The following ZSWIM7 variants were observed in gnomAD, a reference collection of about 807,000 sequenced individuals.
The protein encoded by ZSWIM7 is zinc finger SWIM-type containing 7, also known as zinc finger SWIM domain-containing protein 7.
Under a neutral mutation model 21.1 loss-of-function variants are expected in ZSWIM7, and 22 were observed. The observed-to-expected ratio is 1.04, with a 90% CI of 0.74 to 1.49. The LOEUF is 1.49. Among genes scored for constraint, ZSWIM7 ranks in the 40% most tolerant of loss-of-function variants. ZSWIM7 has a pLI of 0.00. For synonymous variants in ZSWIM7, 67 were observed against 66.5 expected, an observed-to-expected ratio of 1.01 and a Z score of -0.04; for missense variants, 193 against 168.0, an observed-to-expected ratio of 1.15 and a Z score of -0.82.
intron 1 of ZSWIM7, among the ~76,000 whole-genome samples, chr17:15,994,872 G>A (rs1203260603): frequency 3.9e-5 from 6 of 152,180 alleles, no homozygotes; most frequent in African/African-American, 1.2e-4. Context: ...TTCATATTCC[G>A]TAAGCCCCTC....
intron 3 of ZSWIM7, among the ~76,000 whole-genome samples, chr17:15,983,170 C>G (rs1333209418): frequency 1.3e-5 from 2 of 151,558 alleles, no homozygotes; most frequent in Non-Finnish European, 2.9e-5. Context: ...TATGGTGAAA[C>G]CCCATCTCTA....
intron 3 of ZSWIM7, among the ~76,000 whole-genome samples, chr17:15,983,095 C>T (rs546387672): frequency 6.6e-6 from 1 of 151,892 alleles, no homozygotes; most frequent in Non-Finnish European, 1.5e-5. Flanking sequence ...GTCTGTAATC[C>T]CAGCACTTTG....
intron 2 of ZSWIM7, among the ~76,000 whole-genome samples, chr17:15,990,218 T>C (rs1446953566): frequency 1.2e-5 from 1 of 84,820 alleles, no homozygotes; most frequent in Non-Finnish European, 2.2e-5. Flanking sequence ...AAACTCTGTC[T>C]CAAAAAAAAA....
rs1483604704 is a variant in ZSWIM7, at chr17:15,977,379, A to C, written c.*668T>G. The C allele has an allele frequency of 2.6e-5, 4 of 151,986 alleles. No individual in the cohort carries two copies. The highest frequency in any genetic ancestry group is 2.6e-4 in the Admixed American group (4 of 15,250). The allele number at this position is 151,986 out of a possible 1,614,324, so 9.4% of individuals were successfully genotyped here. A position where few individuals can be genotyped will look rare whatever the true frequency, so the allele number is the denominator to read the frequency against. ...TGGCCCACCATTCCAACCTTTTAAA[A>C]ATTACTAGTAATTCAGTTAGTTACT... On this transcript the variant is annotated 3_prime_UTR_variant, in exon 5 of 5. Coordinates refer to ENST00000399277, the MANE Select transcript of ZSWIM7 (RefSeq NM_001042697.2).
chr17:15,997,513 A>G (rs975615398), intron 1 of ZSWIM7, among the ~76,000 whole-genome samples: 6 of 152,236 alleles, frequency 3.9e-5, no homozygotes, highest in African/African-American at 1.4e-4. Flanking sequence ...AAGAAAACAA[A>G]AAGTAATCAT....
At chr17:15,981,195 AC>A in intron 3 of ZSWIM7, 51 bp from the exon 4 acceptor site, 1 of 1,361,280 alleles carries the variant, frequency 7.3e-7, no homozygotes. Flanking sequence ...TGGAAAAACC[AC>A]CTCTTTCCCT....
In ZSWIM7 at chr17:15,999,551, T is replaced by C; in HGVS notation, c.44A>G (p.Glu15Gly). ...GCTCTCCTGCACCGCCGCCGCCATC[T>C]CGCTCAGGAGCTCCTCCACAACCGC... Reference protein sequence around the residue: ...LPAVVEELLSEMAAAVQESAR... With the variant: ...LPAVVEELLSGMAAAVQESAR... The change falls in exon 1 of 5, where the codon GAG becomes GGG. Residue 15 changes from glutamate (E) to glycine (G), a missense_variant. Physicochemically the swap from Glu to Gly is moderately conservative, Grantham distance 98 (BLOSUM62 -2). Transcript: ENST00000399277. 6.3e-7 allele frequency: 1 copy of C among 1,597,286 alleles called. No homozygotes were observed. The highest frequency in any genetic ancestry group is 8.5e-7 in the Non-Finnish European group (1 of 1,173,370).
At chr17:15,981,616 A>T (rs968623581) in intron 3 of ZSWIM7, among the ~76,000 whole-genome samples, 1 of 152,150 alleles carries the variant, frequency 6.6e-6, no homozygotes, top group East Asian at 1.9e-4. Flanking sequence ...CAGGAGTAAG[A>T]TAAGTCTCAG....
intron 2 of ZSWIM7, among the ~76,000 whole-genome samples, chr17:15,988,945 G>A (rs558060649): frequency 6.3e-4 from 96 of 152,258 alleles, no homozygotes; most frequent in African/African-American, 2.2e-3. Flanking sequence ...GCTTGAATCC[G>A]GGAGGTGGAG....
chr17:15,993,795 G>GAA lies in ZSWIM7; in HGVS notation c.77-19_77-18dup. On this transcript the variant is annotated splice_polypyrimidine_tract_variant and intron_variant, in intron 1 of 4. Transcript: ENST00000399277. ...CATCAGGAACTGTAAAATGAGAATG[G>GAA]AAAAAAAAAGTTAATCATATTAAGC... 4 of 1,484,962 alleles carry GAA rather than the reference G, an allele frequency of 2.7e-6. No homozygotes were observed. Among genetic ancestry groups the GAA allele is most frequent in the South Asian group, 1.2e-5 (1 of 86,074 alleles). 92.0% of individuals were successfully genotyped at this position (1,484,962 alleles called of 1,614,324 possible). A position where few individuals can be genotyped will look rare whatever the true frequency, so the allele number is the denominator to read the frequency against.
chr17:15,996,075 C>A (rs1970550246), intron 1 of ZSWIM7, among the ~76,000 whole-genome samples: 2 of 152,096 alleles, frequency 1.3e-5, no homozygotes, highest in African/African-American at 4.8e-5. Flanking sequence ...AGTGTAAGGG[C>A]AGAAAAAGAA....
At chr17:15,999,187 C>T (rs1286999939) in intron 1 of ZSWIM7, among the ~76,000 whole-genome samples, 1 of 152,192 alleles carries the variant, frequency 6.6e-6, no homozygotes, top group Admixed American at 6.5e-5. Context: ...TGTAGGCTCC[C>T]GTCCCTTCCA....
chr17:15,981,592 G>T (rs566720109), intron 3 of ZSWIM7, among the ~76,000 whole-genome samples: 2 of 152,174 alleles, frequency 1.3e-5, no homozygotes, highest in African/African-American at 4.8e-5. Context: ...ACAGGCAAAG[G>T]GTCAGTAGCA....
At chr17:15,985,124 T>G (rs1005809815) in intron 3 of ZSWIM7, among the ~76,000 whole-genome samples, 2 of 151,994 alleles carry the variant, frequency 1.3e-5, no homozygotes, top group African/African-American at 2.4e-5. Flanking sequence ...GACAACATGG[T>G]GAAACCCCAT....
intron 2 of ZSWIM7, chr17:15,990,921 T>C (rs1446938208): frequency 6.6e-6 from 1 of 152,106 alleles, no homozygotes; most frequent in Non-Finnish European, 1.5e-5. Context: ...TCCCAGCACC[T>C]TGGGAGGCCA....
chr17:15,978,322 G>C (rs1302717143), intron 4 of ZSWIM7, among the ~76,000 whole-genome samples, 159 bp from the exon 5 acceptor site: 1 of 152,218 alleles, frequency 6.6e-6, no homozygotes, highest in African/African-American at 2.4e-5. Flanking sequence ...GATGGGCCGG[G>C]CATGGTGGCT....
Position 15,987,302 on chromosome 17 carries a change from G to C in ZSWIM7, c.165C>G (p.Thr55=), listed in dbSNP as rs765081941. 3.7e-6 allele frequency: 6 copies of C among 1,613,698 alleles called. No individual in the cohort carries two copies. The African/African-American group carries it at 6.7e-5, about 18-fold the overall frequency. Residue 55 remains threonine, a synonymous_variant, in exon 3 of 5, where the codon ACC becomes ACG. Transcript: ENST00000399277. The stretch of plus-strand genomic sequence containing the variant: ...GCCTTCCACTGGGTGATGAGATTAA[G>C]GTGATGGACTGTCGATCAACTAGGT... The part of the protein sequence containing the change: ...ALDLVDRQSI[T]LISSPSGRRV...
intron 3 of ZSWIM7, among the ~76,000 whole-genome samples, chr17:15,984,332 C>T (rs1199879277): frequency 2.0e-5 from 3 of 152,194 alleles, no homozygotes; most frequent in African/African-American, 7.2e-5. Flanking sequence ...AATTCCTTCA[C>T]CCTTCAGTGA....
chr17:15,989,655 C>G (rs1430952321), intron 2 of ZSWIM7, among the ~76,000 whole-genome samples: 1 of 151,902 alleles, frequency 6.6e-6, no homozygotes, highest in Non-Finnish European at 1.5e-5. Flanking sequence ...GAGACAAAGT[C>G]TCTCTCTGTC....
Sources: gnomAD v4.1 joint callset for allele counts (sites outside exome capture counted in the v4.1 genomes callset) on GRCh38, gnomAD v4.1.1 for gene constraint, MANE v1.5 for transcripts, NCBI Gene and HGNC (gene_info 2026-07-23, HGNC 2026-07-21) for gene names.